Variants in EPM2A observed in about 807,000 individuals in gnomAD.
EPM2A encodes the protein laforin.
Under a neutral mutation model 26.5 loss-of-function variants are expected in EPM2A, and 21 were observed. The observed-to-expected ratio is 0.79, with a 90% CI of 0.56 to 1.14. EPM2A has a LOEUF of 1.14. Ranked by LOEUF, EPM2A falls within the 50% of genes most tolerant of loss-of-function variation. The pLI, the probability that EPM2A is intolerant of heterozygous loss-of-function variation, is 0.00. For missense variants in EPM2A, 458 were observed against 440.8 expected, an observed-to-expected ratio of 1.04 and a Z score of -0.35; for synonymous variants, 217 against 177.6, an observed-to-expected ratio of 1.22 and a Z score of -1.76.
At chr6:145,441,886 A>G (rs1481828180) in intron 4 of EPM2A, among the ~76,000 whole-genome samples, 1 of 152,126 alleles carries the variant, frequency 6.6e-6, no homozygotes, top group Non-Finnish European at 1.5e-5. Context: ...AACAAAAACA[A>G]AAACAAAAAC....
At chr6:145,717,250 A>C (rs1409759859) in intron 1 of EPM2A, among the ~76,000 whole-genome samples, 1 of 152,230 alleles carries the variant, frequency 6.6e-6, no homozygotes, top group Non-Finnish European at 1.5e-5. Flanking sequence ...TCAGCAGCAC[A>C]TCAAAAAGCT....
At chr6:145,490,811 G>T in intron 4 of EPM2A, 2 of 595,238 alleles carry the variant, frequency 3.4e-6, no homozygotes, top group East Asian at 8.7e-5. Flanking sequence ...CTGTATGCTT[G>T]TAGGGTCAGA....
intron 4 of EPM2A, among the ~76,000 whole-genome samples, chr6:145,450,528 C>A (rs1443947263): frequency 1.3e-5 from 2 of 152,108 alleles, no homozygotes; most frequent in Non-Finnish European, 2.9e-5. Flanking sequence ...AGCACTATTA[C>A]CTTTCATCCT....
intron 4 of EPM2A, among the ~76,000 whole-genome samples, chr6:145,494,627 T>C (rs1299089727): frequency 1.3e-5 from 2 of 152,234 alleles, no homozygotes; most frequent in Non-Finnish European, 2.9e-5. Flanking sequence ...CATTTAGTCC[T>C]ATAAATTTCC....
intron 1 of EPM2A, among the ~76,000 whole-genome samples, chr6:145,727,489 GAAGT>G (rs1776269648): frequency 6.6e-6 from 1 of 151,534 alleles, no homozygotes; most frequent in Non-Finnish European, 1.5e-5. Flanking sequence ...AAGCACCTAA[GAAGT>G]AATTAGCCCA....
At chr6:145,434,352 C>T (rs1778961950) in intron 4 of EPM2A, among the ~76,000 whole-genome samples, 1 of 151,822 alleles carries the variant, frequency 6.6e-6, no homozygotes, top group Non-Finnish European at 1.5e-5. Context: ...CAGCTTCAAC[C>T]TCCTGGGCTC....
chr6:145,488,078 C>A (rs377744122), intron 4 of EPM2A, among the ~76,000 whole-genome samples: 1 of 151,928 alleles, frequency 6.6e-6, no homozygotes, highest in Non-Finnish European at 1.5e-5. Flanking sequence ...ATAGGGAATT[C>A]TTTCCCCATT....
rs1317542585 is a variant in EPM2A at position 145,568,108 on chromosome 6, T to C, written c.341-65533A>G. Reference sequence around the variant, plus strand: ...TAACTAAAATCATGTTATCTAAATGTATTATGATAGGTCTATAATAAGTGT... The same window carrying C: ...TAACTAAAATCATGTTATCTAAATGCATTATGATAGGTCTATAATAAGTGT... On this transcript the variant is annotated intron_variant, in intron 2 of 3. Transcript: ENST00000450221. Among the ~76,000 whole-genome samples the C allele has an allele frequency of 4.6e-5, 7 of 152,340 alleles. No individual in the cohort carries two copies. In the South Asian group the frequency reaches 1.4e-3, roughly 32 times the overall value.
chr6:145,572,329 G>T (rs924297454), intron 2 of EPM2A, among the ~76,000 whole-genome samples: 1 of 152,184 alleles, frequency 6.6e-6, no homozygotes, highest in Non-Finnish European at 1.5e-5. Flanking sequence ...TGCAGGCTGG[G>T]AGAGAAGGCA....
intron 2 of EPM2A, among the ~76,000 whole-genome samples, chr6:145,646,845 A>G (rs952959691): frequency 6.6e-6 from 1 of 151,566 alleles, no homozygotes; most frequent in Non-Finnish European, 1.5e-5. Flanking sequence ...CTCCCCACCT[A>G]CAAACGTGCA....
At chr6:145,527,229 G>A (rs553071334) in intron 2 of EPM2A, among the ~76,000 whole-genome samples, 5 of 152,158 alleles carry the variant, frequency 3.3e-5, no homozygotes, top group Admixed American at 1.3e-4. Flanking sequence ...CTTAGAGTAC[G>A]TTCCATGTGC....
chr6:145,691,085 A>G (rs529380698), intron 1 of EPM2A, among the ~76,000 whole-genome samples: 1 of 152,284 alleles, frequency 6.6e-6, no homozygotes, highest in East Asian at 1.9e-4. Flanking sequence ...AGGGCTTAAA[A>G]GTACTTAAGA....
chr6:145,481,583 C>T (rs1779611592), intron 4 of EPM2A, among the ~76,000 whole-genome samples: 1 of 152,026 alleles, frequency 6.6e-6, no homozygotes, highest in Non-Finnish European at 1.5e-5. Context: ...TGGCCCCAGT[C>T]AGGTCTTCAG....
chr6:145,730,320 T>C (rs1415290178), intron 1 of EPM2A, among the ~76,000 whole-genome samples: 3 of 152,204 alleles, frequency 2.0e-5, no homozygotes, highest in Non-Finnish European at 4.4e-5. Context: ...CTGGTGAACA[T>C]TTGCTTCCTA....
intron 2 of EPM2A, among the ~76,000 whole-genome samples, chr6:145,587,368 T>C (rs956324625): frequency 6.6e-6 from 1 of 152,226 alleles, no homozygotes; most frequent in African/African-American, 2.4e-5. Flanking sequence ...ATTACTAATA[T>C]GCCTTGAAGT....
At chr6:145,541,004 G>A (rs1301449937) in intron 2 of EPM2A, among the ~76,000 whole-genome samples, 1 of 152,032 alleles carries the variant, frequency 6.6e-6, no homozygotes, top group African/African-American at 2.4e-5. Flanking sequence ...TTGTATGTGA[G>A]GATGCAATAC....
chr6:145,635,075 GAATCTTAGCC>G (rs1403751098), intron 3 of EPM2A, 160 bp downstream of exon 3: 10 of 715,350 alleles, frequency 1.4e-5, no homozygotes, highest in Admixed American at 8.1e-5. Flanking sequence ...ACATTAAACA[GAATCTTAGCC>G]ACAGTGTCAA....
chr6:145,709,726 G>A (rs1782433672), intron 1 of EPM2A, among the ~76,000 whole-genome samples: 1 of 152,102 alleles, frequency 6.6e-6, no homozygotes, highest in South Asian at 2.1e-4. Context: ...GTAGAGGAAG[G>A]ATTGAATAGA....
chr6:145,667,499 A>C (rs1269410441), intron 2 of EPM2A, among the ~76,000 whole-genome samples: 2 of 150,140 alleles, frequency 1.3e-5, no homozygotes, highest in Non-Finnish European at 1.5e-5. Flanking sequence ...GGCAATCATT[A>C]AAAAGTCAGG....
Sources: gnomAD v4.1 joint callset for allele counts (sites outside exome capture counted in the v4.1 genomes callset) on GRCh38, gnomAD v4.1.1 for gene constraint, MANE v1.5 for transcripts, NCBI Gene and HGNC (gene_info 2026-07-23, HGNC 2026-07-21) for gene names.